CMTM8: variants seen among roughly 807,000 people sequenced by gnomAD.
The protein encoded by CMTM8 is CKLF-like MARVEL transmembrane domain-containing protein 8.
CMTM8 carries 12 observed loss-of-function variants against 18.6 expected under a neutral mutation model. The ratio of observed to expected loss-of-function variants is 0.65; its 90% CI spans 0.41 to 1.05. CMTM8 has a LOEUF of 1.05. Ranked by LOEUF, CMTM8 falls within the 50% of genes least tolerant of loss-of-function variation. CMTM8 has a pLI of 0.00. For missense variants in CMTM8, 217 were observed against 227.2 expected, an observed-to-expected ratio of 0.95 and a Z score of 0.29; for synonymous variants, 87 against 90.6, an observed-to-expected ratio of 0.96 and a Z score of 0.23.
chr3:32,267,080 C>T (rs1575152295), intron 1 of CMTM8, among the ~76,000 whole-genome samples: 2 of 152,090 alleles, frequency 1.3e-5, no homozygotes, highest in Middle Eastern at 3.2e-3. Context: ...TGACTTTCTT[C>T]ACAGAATTGG....
chr3:32,276,890 GA>G (rs1001834407), intron 1 of CMTM8, among the ~76,000 whole-genome samples: 1 of 150,596 alleles, frequency 6.6e-6, no homozygotes, highest in African/African-American at 2.5e-5. Flanking sequence ...TGTCTCCTGA[GA>G]AATTTTTTTT....
chr3:32,248,192 A>G (rs1702066369), intron 1 of CMTM8, among the ~76,000 whole-genome samples: 1 of 152,196 alleles, frequency 6.6e-6, no homozygotes, highest in Non-Finnish European at 1.5e-5. Flanking sequence ...CCAAATTCAT[A>G]TACTGCTAAA....
intron 1 of CMTM8, among the ~76,000 whole-genome samples, chr3:32,331,281 G>A (rs1329114196): frequency 6.6e-6 from 1 of 152,166 alleles, no homozygotes; most frequent in Non-Finnish European, 1.5e-5. Context: ...CCTCACACCT[G>A]TTAGGATGGC....
intron 1 of CMTM8, among the ~76,000 whole-genome samples, chr3:32,304,507 G>A (rs1160227693): frequency 6.6e-6 from 1 of 152,210 alleles, no homozygotes; most frequent in Non-Finnish European, 1.5e-5. Flanking sequence ...AATGAATGAT[G>A]TGAGTGCTCT....
In CMTM8 at chr3:32,358,873, G is replaced by A. The variant is rs1180621160; in HGVS notation, c.321+1327G>A. Among the ~76,000 whole-genome samples, 1 of 152,168 alleles carries A rather than the reference G, an allele frequency of 6.6e-6. No homozygotes were observed. Among genetic ancestry groups the A allele is most frequent in the Non-Finnish European group, 1.5e-5 (1 of 68,034 alleles). On this transcript the variant is annotated intron_variant, in intron 2 of 3. Transcript: ENST00000307526. The surrounding 1 kb of genome is among the most constrained non-coding windows in gnomAD (Gnocchi z 4.1). ...TCAGGAGGGAAAGACTCGCTTAGAT[G>A]CTAGATTCAAAAAAAGTTAGCACCT...
intron 1 of CMTM8, among the ~76,000 whole-genome samples, chr3:32,296,011 G>C (rs1036745541): frequency 5.9e-5 from 9 of 151,950 alleles, no homozygotes; most frequent in African/African-American, 1.7e-4. Context: ...AAATCCTTTT[G>C]TTCTGTCTTG....
intron 1 of CMTM8, among the ~76,000 whole-genome samples, chr3:32,301,191 G>A (rs1009797056): frequency 9.2e-5 from 14 of 152,134 alleles, no homozygotes; most frequent in African/African-American, 2.7e-4. Flanking sequence ...CCTTATCCCG[G>A]CATTCATCTT....
chr3:32,353,967 T>G (rs1310850602), intron 1 of CMTM8, among the ~76,000 whole-genome samples: 1 of 152,038 alleles, frequency 6.6e-6, no homozygotes, highest in African/African-American at 2.4e-5. Context: ...GTATTTTTAG[T>G]AGAGACGGGG....
At position 32,238,773 on chromosome 3, in the gene CMTM8, G is replaced by A. The variant is rs1701903110; in HGVS notation, c.-200G>A. Reference sequence around the variant, plus strand: ...AGCGCAGCTCGGGAGCCCGCGCACCGAGGCGCTAGGGGCACCGCGCACTAG... The same window carrying A: ...AGCGCAGCTCGGGAGCCCGCGCACCAAGGCGCTAGGGGCACCGCGCACTAG... On this transcript the variant is annotated 5_prime_UTR_variant, in exon 1 of 4. Transcript: ENST00000307526. 3.1e-6 allele frequency: 1 copy of A among 320,452 alleles called. No individual in the cohort carries two copies. The highest frequency in any genetic ancestry group is 2.2e-5 in the African/African-American group (1 of 45,640). The allele number at this position is 320,452 out of a possible 1,614,324, so 19.9% of individuals were successfully genotyped here. A position where few individuals can be genotyped will look rare whatever the true frequency, so the allele number is the denominator to read the frequency against.
At chr3:32,333,128 A>C (rs1029772001) in intron 1 of CMTM8, among the ~76,000 whole-genome samples, 1 of 152,228 alleles carries the variant, frequency 6.6e-6, no homozygotes, top group African/African-American at 2.4e-5. Context: ...TGTAGCACAA[A>C]AGCAGCCAAC....
At chr3:32,324,075 G>C (rs1696110836) in intron 1 of CMTM8, among the ~76,000 whole-genome samples, 1 of 152,190 alleles carries the variant, frequency 6.6e-6, no homozygotes, top group African/African-American at 2.4e-5. Context: ...TGATATGCCA[G>C]CCCTCCTGTT....
intron 1 of CMTM8, among the ~76,000 whole-genome samples, chr3:32,301,950 A>G (rs1695626437): frequency 6.6e-6 from 1 of 151,840 alleles, no homozygotes; most frequent in South Asian, 2.1e-4. Context: ...TGGTGCTAAA[A>G]TTTTTGCAAC....
intron 1 of CMTM8, among the ~76,000 whole-genome samples, chr3:32,349,936 A>C (rs2125594351): frequency 6.6e-6 from 1 of 152,284 alleles, no homozygotes; most frequent in South Asian, 2.1e-4. Flanking sequence ...TGAACCTGGG[A>C]GACGGAGGTT....
chr3:32,275,092 C>A (rs1471866791), intron 1 of CMTM8, among the ~76,000 whole-genome samples: 2 of 152,144 alleles, frequency 1.3e-5, no homozygotes. Context: ...CAGCCTCAAC[C>A]TCCCAAGGCT....
chr3:32,306,481 G>A (rs1166505521), intron 1 of CMTM8, among the ~76,000 whole-genome samples: 1 of 152,186 alleles, frequency 6.6e-6, no homozygotes, highest in Non-Finnish European at 1.5e-5. Context: ...TAGAGCCATT[G>A]ATTAGTCAGA....
chr3:32,306,581 G>C (rs1367891824), intron 1 of CMTM8, among the ~76,000 whole-genome samples: 1 of 152,166 alleles, frequency 6.6e-6, no homozygotes, highest in Non-Finnish European at 1.5e-5. Context: ...AAATATCTTT[G>C]TACATGTCAC....
At chr3:32,364,951 G>A (rs1361017947) in intron 2 of CMTM8, among the ~76,000 whole-genome samples, 1 of 151,804 alleles carries the variant, frequency 6.6e-6, no homozygotes, top group African/African-American at 2.4e-5. Context: ...AAGTGGGGCT[G>A]CTTTTTTTTC....
Position 32,309,300 on chromosome 3 carries a change from A to ATTT in CMTM8, c.148-48051_148-48049dup, listed in dbSNP as rs4038996. On this transcript the variant is annotated intron_variant, in intron 1 of 3. Coordinates refer to ENST00000307526, the MANE Select transcript of CMTM8 (RefSeq NM_178868.5). Reference sequence around the variant, plus strand: ...GGCTGAGCTCTCAACCAATTTACCAATTTTTTTTTTTTTTTTTTTTTTTTC... The same window carrying ATTT: ...GGCTGAGCTCTCAACCAATTTACCAATTTTTTTTTTTTTTTTTTTTTTTTTTTC... 2.8e-3 allele frequency among the ~76,000 whole-genome samples: 274 copies of ATTT among 96,418 alleles called. 3 individuals are homozygous for ATTT. Among genetic ancestry groups the ATTT allele is most frequent in the Non-Finnish European group, 3.9e-3 (198 of 50,290 alleles). 63.3% of individuals were successfully genotyped at this position (96,418 alleles called of 152,430 possible).
chr3:32,342,295 G>A (rs556359880), intron 1 of CMTM8, among the ~76,000 whole-genome samples: 2 of 152,114 alleles, frequency 1.3e-5, no homozygotes, highest in Non-Finnish European at 2.9e-5. Flanking sequence ...TAGCTGTGTG[G>A]GTCAAATGAG....
Sources: allele counts gnomAD v4.1 joint callset (sites outside exome capture counted in the v4.1 genomes callset), GRCh38; gene constraint gnomAD v4.1.1; non-coding constraint Gnocchi (gnomAD v3.1); transcripts MANE v1.5; gene names NCBI Gene and HGNC (gene_info 2026-07-23, HGNC 2026-07-21).